Variants in CASD1 observed in about 807,000 individuals in gnomAD.
CASD1 encodes CAS1 domain sialic acid O acetyltransferase 1, also known as N-acetylneuraminate (7)9-O-acetyltransferase.
CASD1 carries 41 observed loss-of-function variants against 100.0 expected under a neutral mutation model. The observed-to-expected ratio is 0.41, with a 90% CI of 0.32 to 0.53. The LOEUF is 0.53. Among genes scored for constraint, CASD1 ranks in the 20% least tolerant of loss-of-function variants. The pLI is 0.25. For missense variants in CASD1, 774 were observed against 948.7 expected (o/e 0.82, Z 2.42); for synonymous variants, 321 against 315.6 (o/e 1.02, Z -0.18).
intron 5 of CASD1, among the ~76,000 whole-genome samples, chr7:94,530,581 A>AT (rs1234299632): frequency 6.6e-6 from 1 of 152,164 alleles, no homozygotes; most frequent in Non-Finnish European, 1.5e-5. Context: ...TTTAAGCAGA[A>AT]TGATGTGATA....
the CASD1 span, among the ~76,000 whole-genome samples, chr7:94,605,666 T>G: frequency 6.6e-6 from 1 of 151,628 alleles, no homozygotes; most frequent in Admixed American, 6.6e-5. Context: ...AAAAGACAGT[T>G]TAAAAAATAC....
At chr7:94,628,518 C>A in the CASD1 span, 6 of 582,496 alleles carry the variant, frequency 1.0e-5, no homozygotes, top group Admixed American at 1.5e-4. Context: ...AATTAGGGCA[C>A]CACGTTAAAA....
chr7:94,595,003 C>T, the CASD1 span, among the ~76,000 whole-genome samples: 2 of 152,104 alleles, frequency 1.3e-5, no homozygotes, highest in South Asian at 4.1e-4. Context: ...ATCAGAGATC[C>T]TTCTGAGGTC....
chr7:94,535,168 A>G, intron 7 of CASD1, 141 bp from the exon 8 acceptor site: 1 of 616,542 alleles, frequency 1.6e-6, no homozygotes, highest in Middle Eastern at 4.4e-4. Context: ...AGCTTTGCGT[A>G]AAAATGAACT....
chr7:94,547,779 CATG>C (rs1429809370), intron 13 of CASD1, among the ~76,000 whole-genome samples: 1 of 151,738 alleles, frequency 6.6e-6, no homozygotes, highest in Non-Finnish European at 1.5e-5. Context: ...ATTTGGGCAG[CATG>C]ATATTTATAA....
At chr7:94,581,145 C>T in the CASD1 span, among the ~76,000 whole-genome samples, 1 of 152,182 alleles carries the variant, frequency 6.6e-6, no homozygotes, top group Non-Finnish European at 1.5e-5. Flanking sequence ...AAAAGATAAA[C>T]ATGAGAATCC....
At chr7:94,552,136 TTGTGCACCTCCCTC>T (rs2116419562) in intron 15 of CASD1, 200 bp from the exon 16 acceptor site, 1 of 499,464 alleles carries the variant, frequency 2.0e-6, no homozygotes, top group East Asian at 3.7e-5. Context: ...AAGCACAGAC[TTGTGCACCTCCCTC>T]TGTGCTTTCT....
At chr7:94,607,642 G>A in the CASD1 span, among the ~76,000 whole-genome samples, 1 of 152,070 alleles carries the variant, frequency 6.6e-6, no homozygotes, top group African/African-American at 2.4e-5. Context: ...GAATAGAGGG[G>A]AATTTCCTCA....
intron 10 of CASD1, 35 bp from the exon 11 acceptor site, chr7:94,544,376 C>G (rs746623112): frequency 7.5e-6 from 12 of 1,609,042 alleles, no homozygotes; most frequent in Non-Finnish European, 3.4e-6. Flanking sequence ...TAGTTGATGC[C>G]AACATATGTT....
At chr7:94,570,725 C>A in the CASD1 span, among the ~76,000 whole-genome samples, 2 of 152,018 alleles carry the variant, frequency 1.3e-5, no homozygotes, top group South Asian at 4.2e-4. Flanking sequence ...CAACTCTGGA[C>A]CTCAGGTGAT....
At chr7:94,577,635 A>T in the CASD1 span, among the ~76,000 whole-genome samples, 6 of 151,684 alleles carry the variant, frequency 4.0e-5, no homozygotes, top group Non-Finnish European at 7.4e-5. Context: ...CCAAAAAGAT[A>T]ATGAAACTTT....
the CASD1 span, chr7:94,587,705 A>T: frequency 6.5e-7 from 1 of 1,534,256 alleles, no homozygotes; most frequent in Admixed American, 2.2e-5. Flanking sequence ...AAAGCAAGTA[A>T]TCAAAATTGT....
In CASD1 at chr7:94,515,953, A is replaced by G. The variant is rs142939222; in HGVS notation, c.134-1607A>G. ...AATAAGATTTTACCATATGGCCATTATAAAAGAATGCTACAGAAATGCTAT... is the reference window on the plus strand; with the variant it reads ...AATAAGATTTTACCATATGGCCATTGTAAAAGAATGCTACAGAAATGCTAT... On this transcript the variant is annotated intron_variant, in intron 1 of 17. Coordinates refer to ENST00000297273, the MANE Select transcript of CASD1 (RefSeq NM_022900.5). Among the ~76,000 whole-genome samples, 842 of 152,280 alleles carry G rather than the reference A, an allele frequency of 5.5e-3. 6 individuals are homozygous for G. Among genetic ancestry groups the G allele is most frequent in the African/African-American group, 0.019 (782 of 41,578 alleles).
chr7:94,562,255 G>C, the CASD1 span, among the ~76,000 whole-genome samples: 3 of 152,108 alleles, frequency 2.0e-5, no homozygotes, highest in Non-Finnish European at 2.9e-5. Flanking sequence ...TCTCATTCTT[G>C]ATCCCTTTTT....
the CASD1 span, among the ~76,000 whole-genome samples, chr7:94,595,388 G>C: frequency 1.3e-5 from 2 of 152,048 alleles, no homozygotes; most frequent in African/African-American, 4.8e-5. Flanking sequence ...CCATATCCAT[G>C]TCTGAATATT....
chr7:94,579,244 G>T, the CASD1 span, among the ~76,000 whole-genome samples: 2 of 151,034 alleles, frequency 1.3e-5, no homozygotes, highest in South Asian at 2.1e-4. Flanking sequence ...AGGAAAGGGG[G>T]TATGTTATTC....
the CASD1 span, among the ~76,000 whole-genome samples, chr7:94,608,442 G>C: frequency 2.6e-5 from 4 of 152,172 alleles, no homozygotes; most frequent in Non-Finnish European, 5.9e-5. Flanking sequence ...TAAATGGAGA[G>C]ATATTCCATG....
the CASD1 span, chr7:94,600,586 T>A: frequency 7.9e-7 from 1 of 1,268,376 alleles, no homozygotes; most frequent in African/African-American, 1.5e-5. Context: ...TTTAATGGAA[T>A]CTTCTATGTT....
rs367951991 is a variant in CASD1, at chr7:94,538,312, GACATATAT to G, written c.1266+424_1266+431del. Among the ~76,000 whole-genome samples the G allele has an allele frequency of 4.6e-3, 706 of 152,176 alleles. 3 individuals are homozygous for G. The highest frequency in any genetic ancestry group is 0.016 in the African/African-American group (669 of 41,536). On this transcript the variant is annotated intron_variant, in intron 9 of 17. Transcript: ENST00000297273. ...TTTATATTTATATATTTATCAGTCA[GACATATAT>G]ACATACCAATCAGAACTTAATGATG...
Sources: gnomAD v4.1 joint callset for allele counts (sites outside exome capture counted in the v4.1 genomes callset) on GRCh38, gnomAD v4.1.1 for gene constraint, MANE v1.5 for transcripts, NCBI Gene and HGNC (gene_info 2026-07-23, HGNC 2026-07-21) for gene names.